SORCS2: variants seen among roughly 807,000 people sequenced by gnomAD.
The protein encoded by SORCS2 is sortilin related VPS10 domain containing receptor 2.
SORCS2 carries 100 observed loss-of-function variants against 141.6 expected under a neutral mutation model. The observed-to-expected ratio is 0.71, with a 90% CI of 0.60 to 0.83. The LOEUF (loss-of-function observed/expected upper bound fraction) is 0.83, where lower values mean the gene tolerates loss of function less well. SORCS2 is among the 40% of genes least tolerant of loss of function. SORCS2 has a pLI of 0.00. For missense variants in SORCS2, 1,646 were observed against 1,560.2 expected, an observed-to-expected ratio of 1.05 and a Z score of -0.93; for synonymous variants, 789 against 676.9, an observed-to-expected ratio of 1.17 and a Z score of -2.57.
At chr4:7,453,954 G>T (rs1308797182) in intron 2 of SORCS2, among the ~76,000 whole-genome samples, 1 of 111,614 alleles carries the variant, frequency 9.0e-6, no homozygotes, top group African/African-American at 3.3e-5. Context: ...GGAGCTGTGT[G>T]TTGGGGTCAG....
At chr4:7,245,842 TCC>T (rs1713044897) in intron 1 of SORCS2, among the ~76,000 whole-genome samples, 1 of 152,104 alleles carries the variant, frequency 6.6e-6, no homozygotes, top group South Asian at 2.1e-4. Context: ...GCAGGACAAC[TCC>T]CCCTTTACAG....
intron 3 of SORCS2, among the ~76,000 whole-genome samples, chr4:7,581,774 C>T (rs1716172836): frequency 1.3e-5 from 2 of 152,180 alleles, no homozygotes; most frequent in Non-Finnish European, 2.9e-5. Context: ...GCCAGAAACC[C>T]GTCCAGAGTC....
Position 7,474,115 on chromosome 4 carries a change from C to T in SORCS2, c.549-57415C>T, listed in dbSNP as rs189309983. On this transcript the variant is annotated intron_variant, in intron 2 of 26. Coordinates refer to ENST00000507866, the MANE Select transcript of SORCS2 (RefSeq NM_020777.3). ...GGGACTCTGTGGTTGTCTTTGCTCA[C>T]CCCCGTGTCTCCAGGGCCTCCCAGA... Among the ~76,000 whole-genome samples, 210 of 152,308 alleles carry T rather than the reference C, an allele frequency of 1.4e-3. 2 individuals are homozygous for T. The highest frequency in any genetic ancestry group is 4.9e-3 in the African/African-American group (202 of 41,562).
intron 1 of SORCS2, among the ~76,000 whole-genome samples, chr4:7,307,676 G>A (rs1717917775): frequency 6.6e-6 from 1 of 152,206 alleles, no homozygotes; most frequent in Admixed American, 6.5e-5. Context: ...CAACTGTTCT[G>A]TAAGCACTGA....
At chr4:7,328,761 C>T (rs764060907) in intron 1 of SORCS2, among the ~76,000 whole-genome samples, 1 of 152,252 alleles carries the variant, frequency 6.6e-6, no homozygotes, top group African/African-American at 2.4e-5. Context: ...GGTCTTGCCA[C>T]TCACCCAGTC....
intron 1 of SORCS2, among the ~76,000 whole-genome samples, chr4:7,282,296 C>T (rs1476402940): frequency 2.0e-5 from 3 of 152,180 alleles, no homozygotes; most frequent in East Asian, 3.8e-4. Context: ...TGAAGGTTTA[C>T]CAGAGTGATA....
At chr4:7,302,583 C>G (rs1717503550) in intron 1 of SORCS2, among the ~76,000 whole-genome samples, 1 of 152,194 alleles carries the variant, frequency 6.6e-6, no homozygotes, top group Non-Finnish European at 1.5e-5. Flanking sequence ...CCTGTAGGCC[C>G]TGTGCCCTGA....
chr4:7,217,766 C>T (rs1045335902), intron 1 of SORCS2, among the ~76,000 whole-genome samples: 2 of 152,174 alleles, frequency 1.3e-5, no homozygotes, highest in Non-Finnish European at 2.9e-5. Context: ...TTAAATACAG[C>T]GTGAGGATGA....
chr4:7,697,134 A>T lies in SORCS2; in HGVS notation c.1592-64A>T, dbSNP rs1209328992. Reference sequence around the variant, plus strand: ...TTGCTTGAGGTTTTTCCATGCTCAGACTTGTTAAAGGGGTAAAGCTGGACG... The same window carrying T: ...TTGCTTGAGGTTTTTCCATGCTCAGTCTTGTTAAAGGGGTAAAGCTGGACG... On this transcript the variant is annotated intron_variant, in intron 11 of 26. Transcript: ENST00000507866. 4.3e-6 allele frequency: 6 copies of T among 1,409,030 alleles called. No homozygotes were observed. In the African/African-American group the frequency reaches 8.6e-5, roughly 20 times the overall value. The allele number at this position is 1,409,030 out of a possible 1,614,324, so 87.3% of individuals were successfully genotyped here.
At chr4:7,428,346 G>A (rs911001672) in intron 2 of SORCS2, among the ~76,000 whole-genome samples, 2 of 152,304 alleles carry the variant, frequency 1.3e-5, no homozygotes, top group African/African-American at 2.4e-5. Context: ...GCGTTCATTC[G>A]CTCATCCTGT....
chr4:7,433,702 C>T (rs1338837971), intron 2 of SORCS2: 3 of 1,612,986 alleles, frequency 1.9e-6, no homozygotes, highest in Non-Finnish European at 2.5e-6. Context: ...GCAGAAGCTG[C>T]CCTGGTTCTC....
rs1168822513 is a variant in SORCS2 at position 7,201,558 on chromosome 4, C to T, written c.480+8432C>T. On this transcript the variant is annotated intron_variant, in intron 1 of 26. Transcript: ENST00000507866. This position sits in a 1 kb window ranked among gnomAD's most constrained non-coding sequence, Gnocchi z 4.4. ...CAGGCTAAGACTTGTGCAGATGATT[C>T]GATGGAGAGCAGACTGGAGTGACGG... Among the ~76,000 whole-genome samples, 2 of 152,128 alleles carry T rather than the reference C, an allele frequency of 1.3e-5. No individual in the cohort carries two copies. The highest frequency in any genetic ancestry group is 4.8e-5 in the African/African-American group (2 of 41,418).
rs941959437 is a variant in SORCS2, at chr4:7,462,886, C to A, written c.548+66531C>A. Among the ~76,000 whole-genome samples the A allele has an allele frequency of 6.0e-5, 9 of 150,648 alleles. No homozygotes were observed. The East Asian group carries it at 1.8e-3, about 29-fold the overall frequency. ...GCTATTATCATTTCCCAGTGAGTTC[C>A]AAAAAACAAATAAAGAAATGAGCCA... is the stretch of plus-strand genomic sequence containing the variant. On this transcript the variant is annotated intron_variant, in intron 2 of 26. Transcript: ENST00000507866.
intron 2 of SORCS2, among the ~76,000 whole-genome samples, chr4:7,509,303 A>T (rs899450514): frequency 1.3e-5 from 2 of 152,056 alleles, no homozygotes; most frequent in African/African-American, 2.4e-5. Context: ...CACAGAGGGG[A>T]TGGAGAGGGA....
chr4:7,438,218 T>A (rs1332465730), intron 2 of SORCS2, among the ~76,000 whole-genome samples: 1 of 152,226 alleles, frequency 6.6e-6, no homozygotes, highest in African/African-American at 2.4e-5. Context: ...CATCGGGAGC[T>A]GATGGCAGCT....
intron 14 of SORCS2, among the ~76,000 whole-genome samples, chr4:7,704,951 G>A (rs555826277): frequency 3.9e-5 from 6 of 152,254 alleles, no homozygotes; most frequent in South Asian, 4.2e-4. Context: ...GCTGTGGCAC[G>A]GTGAGGCCAC....
At chr4:7,548,816 G>C (rs1380932053) in intron 3 of SORCS2, among the ~76,000 whole-genome samples, 4 of 152,194 alleles carry the variant, frequency 2.6e-5, no homozygotes, top group African/African-American at 7.2e-5. Context: ...GACAAGCAAA[G>C]AGCAGCCACA....
At chr4:7,620,839 A>G (rs1449437943) in intron 3 of SORCS2, among the ~76,000 whole-genome samples, 1 of 152,092 alleles carries the variant, frequency 6.6e-6, no homozygotes. Context: ...CACTCAGGGC[A>G]TTGTCTCCGA....
At chr4:7,334,224 C>A (rs1025327089) in intron 1 of SORCS2, among the ~76,000 whole-genome samples, 1 of 152,282 alleles carries the variant, frequency 6.6e-6, no homozygotes, top group East Asian at 1.9e-4. Flanking sequence ...AGGCTCTCCC[C>A]AAACTTTGCG....
Sources: allele counts gnomAD v4.1 joint callset (sites outside exome capture counted in the v4.1 genomes callset), GRCh38; gene constraint gnomAD v4.1.1; non-coding constraint Gnocchi (gnomAD v3.1); transcripts MANE v1.5; gene names NCBI Gene and HGNC (gene_info 2026-07-23, HGNC 2026-07-21).